ANAPC10: variants seen among roughly 807,000 people sequenced by gnomAD.
ANAPC10 encodes anaphase promoting complex subunit 10.
Under a neutral mutation model 22.0 loss-of-function variants are expected in ANAPC10, and 12 were observed. That is an observed-to-expected ratio of 0.55 (90% CI 0.35 to 0.88). ANAPC10 has a LOEUF of 0.88. Ranked by LOEUF, ANAPC10 falls within the 40% of genes least tolerant of loss-of-function variation. ANAPC10 has a pLI of 0.01. For missense variants in ANAPC10, 188 were observed against 220.9 expected, an observed-to-expected ratio of 0.85 and a Z score of 0.94; for synonymous variants, 65 against 69.5, an observed-to-expected ratio of 0.94 and a Z score of 0.32.
At chr4:145,006,857 T>A (rs1429444786) in intron 4 of ANAPC10, among the ~76,000 whole-genome samples, 1 of 151,996 alleles carries the variant, frequency 6.6e-6, no homozygotes, top group Non-Finnish European at 1.5e-5. Context: ...CTCTCACTTC[T>A]CCCTTGTCTC....
At chr4:145,014,111 G>A (rs1405288493) in intron 4 of ANAPC10, among the ~76,000 whole-genome samples, 1 of 152,088 alleles carries the variant, frequency 6.6e-6, no homozygotes, top group Non-Finnish European at 1.5e-5. Context: ...CCCAAATCCA[G>A]CATCCAGTGT....
intron 4 of ANAPC10, among the ~76,000 whole-genome samples, chr4:145,048,641 G>A (rs886654412): frequency 6.6e-6 from 1 of 151,928 alleles, no homozygotes; most frequent in African/African-American, 2.4e-5. Flanking sequence ...TAGGTCCATG[G>A]ATACTAAGAA....
intron 4 of ANAPC10, among the ~76,000 whole-genome samples, chr4:145,059,326 T>C (rs1205553202): frequency 2.6e-5 from 4 of 152,114 alleles, no homozygotes; most frequent in African/African-American, 9.7e-5. Flanking sequence ...GTTGTGCTAC[T>C]GAAATAAGAC....
rs185203883 is a variant in ANAPC10 at position 145,086,222 on chromosome 4, C to T, written c.116-4472G>A. Among the ~76,000 whole-genome samples, 537 of 152,230 alleles carry T rather than the reference C, an allele frequency of 3.5e-3. 1 individual carries two copies. The highest frequency in any genetic ancestry group is 5.6e-3 in the Non-Finnish European group (380 of 68,014). On this transcript the variant is annotated intron_variant, in intron 2 of 4. Coordinates refer to ENST00000507656, the MANE Select transcript of ANAPC10 (RefSeq NM_001256706.2). ...AAGTGATCCACTGGCCTCAGTCTCC[C>T]AAAGTGCTTAGATTACTGGCATGAG...
intron 4 of ANAPC10, among the ~76,000 whole-genome samples, chr4:145,043,685 C>A (rs1739858840): frequency 1.3e-5 from 2 of 151,910 alleles, no homozygotes; most frequent in Non-Finnish European, 2.9e-5. Flanking sequence ...CTGTTGTTTT[C>A]TGACAAAGTA....
chr4:145,037,802 C>A (rs546751327), intron 4 of ANAPC10, among the ~76,000 whole-genome samples: 2 of 151,826 alleles, frequency 1.3e-5, no homozygotes, highest in Non-Finnish European at 2.9e-5. Flanking sequence ...CAAAAATTAG[C>A]AGAGCATGGT....
intron 2 of ANAPC10, among the ~76,000 whole-genome samples, chr4:145,082,562 T>A (rs35510849): frequency 4.6e-5 from 7 of 152,196 alleles, no homozygotes; most frequent in Admixed American, 3.9e-4. Flanking sequence ...TCTAATAAGT[T>A]CAATATGCCA....
At chr4:145,061,835 C>T (rs1197977177) in intron 4 of ANAPC10, among the ~76,000 whole-genome samples, 1 of 152,052 alleles carries the variant, frequency 6.6e-6, no homozygotes, top group Admixed American at 6.5e-5. Flanking sequence ...AGGCCAGGCG[C>T]GGTGGCTCAA....
chr4:145,009,660 C>G, intron 4 of ANAPC10, among the ~76,000 whole-genome samples: 1 of 152,100 alleles, frequency 6.6e-6, no homozygotes, highest in Admixed American at 6.6e-5. Flanking sequence ...ACACCTTACA[C>G]AAAAATTAAT....
chr4:145,051,933 T>C (rs1741163874), intron 4 of ANAPC10, among the ~76,000 whole-genome samples: 1 of 152,182 alleles, frequency 6.6e-6, no homozygotes, highest in Non-Finnish European at 1.5e-5. Flanking sequence ...CATAGTCTGA[T>C]TACTTAGGTT....
At chr4:145,073,462 T>A (rs1314453142) in intron 3 of ANAPC10, among the ~76,000 whole-genome samples, 1 of 152,132 alleles carries the variant, frequency 6.6e-6, no homozygotes, top group East Asian at 1.9e-4. Flanking sequence ...TTATGAACAG[T>A]GTAATTTGGG....
chr4:145,018,586 C>T lies in ANAPC10; in HGVS notation c.328-22983G>A, dbSNP rs201752128. On this transcript the variant is annotated intron_variant, in intron 4 of 4. Transcript: ENST00000507656. ...CTGAGAGGCAGAGTTTGCAGTGAGC[C>T]GAGATCGTGCCATTGCACTCAGCCT... 7.9e-5 allele frequency among the ~76,000 whole-genome samples: 12 copies of T among 151,854 alleles called. No homozygotes were observed. The East Asian group carries it at 1.7e-3, about 22-fold the overall frequency.
chr4:145,019,079 TAGACC>T (rs1735626468), intron 4 of ANAPC10, among the ~76,000 whole-genome samples: 1 of 152,140 alleles, frequency 6.6e-6, no homozygotes, highest in Admixed American at 6.6e-5. Context: ...GGATTTAAAC[TAGACC>T]TTGGAACAAA....
chr4:145,046,037 A>G (rs1029717775), intron 4 of ANAPC10, among the ~76,000 whole-genome samples: 3 of 152,066 alleles, frequency 2.0e-5, no homozygotes, highest in Non-Finnish European at 4.4e-5. Flanking sequence ...ACTGCCCTAA[A>G]AGCAAATGCC....
At position 145,053,320 on chromosome 4, in the gene ANAPC10, C is replaced by G. The variant is rs967063019; in HGVS notation, c.327+11252G>C. 5.3e-5 allele frequency among the ~76,000 whole-genome samples: 8 copies of G among 152,304 alleles called. No individual in the cohort carries two copies. In the South Asian group the frequency reaches 1.0e-3, roughly 20 times the overall value. ...ATAGATAGCTAACATATTATCTGAA[C>G]AATTTCCCTACTATTGCCTCATACT... On this transcript the variant is annotated intron_variant, in intron 4 of 4. Transcript: ENST00000507656.
At chr4:145,082,169 G>A (rs776063007) in intron 2 of ANAPC10, among the ~76,000 whole-genome samples, 4 of 152,082 alleles carry the variant, frequency 2.6e-5, no homozygotes, top group Non-Finnish European at 5.9e-5. Context: ...ATTTTTTTGA[G>A]ACAGAGTTTC....
intron 4 of ANAPC10, among the ~76,000 whole-genome samples, chr4:145,019,540 G>T (rs966353124): frequency 1.3e-5 from 2 of 152,042 alleles, no homozygotes; most frequent in African/African-American, 4.8e-5. Flanking sequence ...CAAGGAACTA[G>T]AGAAACACGA....
At chr4:145,051,596 T>C (rs1741110859) in intron 4 of ANAPC10, among the ~76,000 whole-genome samples, 1 of 152,168 alleles carries the variant, frequency 6.6e-6, no homozygotes, top group South Asian at 2.1e-4. Context: ...TGTATAGTAC[T>C]TAGTATACAA....
At chr4:145,082,355 G>T (rs1746187410) in intron 2 of ANAPC10, among the ~76,000 whole-genome samples, 1 of 151,942 alleles carries the variant, frequency 6.6e-6, no homozygotes, top group Non-Finnish European at 1.5e-5. Context: ...CTCCATGTGG[G>T]TCAGGCCGGT....
Sources: gnomAD v4.1 joint callset for allele counts (sites outside exome capture counted in the v4.1 genomes callset) on GRCh38, gnomAD v4.1.1 for gene constraint, MANE v1.5 for transcripts, NCBI Gene and HGNC (gene_info 2026-07-23, HGNC 2026-07-21) for gene names.